TUBB2B: variants seen among roughly 807,000 people sequenced by gnomAD.
TUBB2B encodes the protein tubulin beta 2B class IIb.
A neutral mutation model predicts 35.0 loss-of-function variants in TUBB2B; 5 were observed. The ratio of observed to expected loss-of-function variants is 0.14; its 90% CI spans 0.07 to 0.30. The LOEUF (loss-of-function observed/expected upper bound fraction) is 0.30, where lower values mean the gene tolerates loss of function less well. Among genes scored for constraint, TUBB2B ranks in the 10% least tolerant of loss-of-function variants. The pLI is 1.00. For missense variants in TUBB2B, 63 were observed against 601.8 expected (o/e 0.10, Z 9.37); for synonymous variants, 166 against 250.5 (o/e 0.66, Z 3.18).
Position 3,226,046 on chromosome 6 carries a change from T to C in TUBB2B, c.277+113A>G, listed in dbSNP as rs529331187. 2.9e-5 allele frequency: 39 copies of C among 1,350,166 alleles called. No individual in the cohort carries two copies. The South Asian group carries it at 4.7e-4, about 16-fold the overall frequency. The allele number at this position is 1,350,166 out of a possible 1,614,324, so 83.6% of individuals were successfully genotyped here. ...AATTTTACACTATATTAAAGCTAAG[T>C]TGGCACACCGCGGATGTTCTTCATG... On this transcript the variant is annotated intron_variant, in intron 3 of 3. Transcript: ENST00000259818. The surrounding 1 kb of genome is among the most constrained non-coding windows in gnomAD (Gnocchi z 5.5).
rs1260559863 is a variant in TUBB2B at position 3,225,336 on chromosome 6, G to T, written c.753C>A (p.Arg251=). 1 of 1,588,830 alleles carries T rather than the reference G, an allele frequency of 6.3e-7. No individual in the cohort carries two copies. Among genetic ancestry groups the T allele is most frequent in the South Asian group, 1.1e-5 (1 of 89,590 alleles). ...RFPGQLNADL[R]KLAVNMVPFP... ...AGGGCACCATGTTCACCGCCAGCTT[G>T]CGCAGGTCTGCGTTCAGCTGGCCCG... is the stretch of plus-strand genomic sequence containing the variant. The change falls in exon 4 of 4, where the codon CGC becomes CGA. Residue 251 remains arginine, a synonymous_variant. Coordinates refer to ENST00000259818, the MANE Select transcript of TUBB2B (RefSeq NM_178012.5).
Position 3,227,343 on chromosome 6 carries a change from G to T in TUBB2B, c.57+144C>A. ...TCCGCGAAAGTCACCTCCTAGCCCA[G>T]GCCACACTCGGCGGCACAAAGCGGC... On this transcript the variant is annotated intron_variant, in intron 1 of 3. Coordinates refer to ENST00000259818, the MANE Select transcript of TUBB2B (RefSeq NM_178012.5). The surrounding 1 kb of genome is among the most constrained non-coding windows in gnomAD (Gnocchi z 7.8). 9.1e-7 allele frequency: 1 copy of T among 1,095,328 alleles called. No homozygotes were observed. The highest frequency in any genetic ancestry group is 1.3e-6 in the Non-Finnish European group (1 of 766,882). 67.9% of individuals were successfully genotyped at this position (1,095,328 alleles called of 1,614,324 possible).
rs767825383 is a variant in TUBB2B at position 3,227,590 on chromosome 6, C to T, written c.-47G>A. 5 of 1,606,298 alleles carry T rather than the reference C, an allele frequency of 3.1e-6. No homozygotes were observed. Among genetic ancestry groups the T allele is most frequent in the Non-Finnish European group, 4.2e-6 (5 of 1,178,042 alleles). On this transcript the variant is annotated 5_prime_UTR_variant, in exon 1 of 4. Transcript: ENST00000259818. The surrounding 1 kb of genome is among the most constrained non-coding windows in gnomAD (Gnocchi z 7.8). ...TGGTCCGGCGGCGTCTGGGTCTGTC[C>T]GTCCTCCCCTCACACACCCACTGCG...
Position 3,224,531 on chromosome 6 carries a change from C to T in TUBB2B, c.*220G>A, listed in dbSNP as rs939500771. 35 of 687,796 alleles carry T rather than the reference C, an allele frequency of 5.1e-5. No homozygotes were observed. Among genetic ancestry groups the T allele is most frequent in the Non-Finnish European group, 7.9e-5 (33 of 418,388 alleles). 42.6% of individuals were successfully genotyped at this position (687,796 alleles called of 1,614,324 possible). The stretch of plus-strand genomic sequence containing the variant: ...AACGTTTATGTGATTTTAGCCATTA[C>T]AACAGTAATTCAGAAATATCTCAAA... On this transcript the variant is annotated 3_prime_UTR_variant, in exon 4 of 4. Transcript: ENST00000259818.
In TUBB2B at chr6:3,226,498, C is replaced by A; in HGVS notation, c.166+63G>T. On this transcript the variant is annotated intron_variant, in intron 2 of 3. Transcript: ENST00000259818. The surrounding 1 kb of genome is among the most constrained non-coding windows in gnomAD (Gnocchi z 5.5). ...CCAGGGCCACACCCCTGGGGTCCCA[C>A]GCAAGGGAAAGGGGAGAAGGTGGAA... The A allele has an allele frequency of 3.4e-6, 5 of 1,479,250 alleles. No individual in the cohort carries two copies. The highest frequency in any genetic ancestry group is 4.7e-6 in the Non-Finnish European group (5 of 1,057,438). 91.6% of individuals were successfully genotyped at this position (1,479,250 alleles called of 1,614,324 possible). A position where few individuals can be genotyped will look rare whatever the true frequency, so the allele number is the denominator to read the frequency against.
Position 3,224,569 on chromosome 6 carries a change from G to T in TUBB2B, c.*182C>A. 1.3e-6 allele frequency: 1 copy of T among 796,968 alleles called. No homozygotes were observed. Among genetic ancestry groups the T allele is most frequent in the Non-Finnish European group, 1.9e-6 (1 of 531,896 alleles). 49.4% of individuals were successfully genotyped at this position (796,968 alleles called of 1,614,324 possible). A position where few individuals can be genotyped will look rare whatever the true frequency, so the allele number is the denominator to read the frequency against. ...GAAATATCTCAAATGTTACATTGATGTCATCAATATTACAAAAAAGGAAAA... is the reference window on the plus strand; with the variant it reads ...GAAATATCTCAAATGTTACATTGATTTCATCAATATTACAAAAAAGGAAAA... On this transcript the variant is annotated 3_prime_UTR_variant, in exon 4 of 4. Transcript: ENST00000259818.
In TUBB2B at chr6:3,227,455, C is replaced by T. The variant is rs776330382; in HGVS notation, c.57+32G>A. 7 of 1,603,246 alleles carry T rather than the reference C, an allele frequency of 4.4e-6. No individual in the cohort carries two copies. In the African/African-American group the frequency reaches 5.3e-5, roughly 12 times the overall value. On this transcript the variant is annotated intron_variant, in intron 1 of 3. Transcript: ENST00000259818. The surrounding 1 kb of genome is among the most constrained non-coding windows in gnomAD (Gnocchi z 7.8). ...GGGCTCTCGGCCCAGGTTCGCGCCC[C>T]CATTGGACCCCCTCCGCTGCGGCGC...
Position 3,227,471 on chromosome 6 carries a change from G to C in TUBB2B, c.57+16C>G, listed in dbSNP as rs755315321. ...TTCGCGCCCCCATTGGACCCCCTCCGCTGCGGCGCGCCCACCTTGGCGCCG... is the reference window on the plus strand; with the variant it reads ...TTCGCGCCCCCATTGGACCCCCTCCCCTGCGGCGCGCCCACCTTGGCGCCG... On this transcript the variant is annotated intron_variant, in intron 1 of 3. Coordinates refer to ENST00000259818, the MANE Select transcript of TUBB2B (RefSeq NM_178012.5). This position sits in a 1 kb window ranked among gnomAD's most constrained non-coding sequence, Gnocchi z 7.8. 27 of 1,605,922 alleles carry C rather than the reference G, an allele frequency of 1.7e-5. No homozygotes were observed. Among genetic ancestry groups the C allele is most frequent in the Non-Finnish European group, 2.3e-5 (27 of 1,179,594 alleles).
In TUBB2B at chr6:3,227,291, C is replaced by G. The variant is rs1384017327; in HGVS notation, c.57+196G>C. Among the ~76,000 whole-genome samples, 1 of 152,120 alleles carries G rather than the reference C, an allele frequency of 6.6e-6. No homozygotes were observed. The highest frequency in any genetic ancestry group is 1.5e-5 in the Non-Finnish European group (1 of 68,014). On this transcript the variant is annotated intron_variant, in intron 1 of 3. Transcript: ENST00000259818. The surrounding 1 kb of genome is among the most constrained non-coding windows in gnomAD (Gnocchi z 7.8). The stretch of plus-strand genomic sequence containing the variant: ...GACGGGGACTCCAAATGAGTTACAG[C>G]AGAAAGAAAGAGAGGTGCCCCCTCC...
Position 3,226,036 on chromosome 6 carries a change from T to G in TUBB2B, c.277+123A>C. The G allele has an allele frequency of 3.8e-6, 5 of 1,328,930 alleles. No homozygotes were observed. Among genetic ancestry groups the G allele is most frequent in the African/African-American group, 1.4e-5 (1 of 69,312 alleles). The allele number at this position is 1,328,930 out of a possible 1,614,324, so 82.3% of individuals were successfully genotyped here. On this transcript the variant is annotated intron_variant, in intron 3 of 3. Coordinates refer to ENST00000259818, the MANE Select transcript of TUBB2B (RefSeq NM_178012.5). The surrounding 1 kb of genome is among the most constrained non-coding windows in gnomAD (Gnocchi z 5.5). Reference sequence around the variant, plus strand: ...AAAGGCAAACAATTTTACACTATATTAAAGCTAAGTTGGCACACCGCGGAT... The same window carrying G: ...AAAGGCAAACAATTTTACACTATATGAAAGCTAAGTTGGCACACCGCGGAT...
Position 3,226,155 on chromosome 6 carries a change from T to C in TUBB2B, c.277+4A>G. 2 of 1,613,024 alleles carry C rather than the reference T, an allele frequency of 1.2e-6. No individual in the cohort carries two copies. Among genetic ancestry groups the C allele is most frequent in the Non-Finnish European group, 1.7e-6 (2 of 1,179,252 alleles). ...TCATGCTCTCAGCCACACCAGGCAC[T>C]CACCAAACACGAAATTGTCTGGTCT... On this transcript the variant is annotated splice_donor_region_variant and intron_variant, in intron 3 of 3. Coordinates refer to ENST00000259818, the MANE Select transcript of TUBB2B (RefSeq NM_178012.5). This position sits in a 1 kb window ranked among gnomAD's most constrained non-coding sequence, Gnocchi z 5.5.
Position 3,224,566 on chromosome 6 carries a change from G to T in TUBB2B, c.*185C>A. ...TCAGAAATATCTCAAATGTTACATT[G>T]ATGTCATCAATATTACAAAAAAGGA... On this transcript the variant is annotated 3_prime_UTR_variant, in exon 4 of 4. Coordinates refer to ENST00000259818, the MANE Select transcript of TUBB2B (RefSeq NM_178012.5). The T allele has an allele frequency of 2.5e-6, 2 of 790,406 alleles. No homozygotes were observed. Among genetic ancestry groups the T allele is most frequent in the Non-Finnish European group, 3.9e-6 (2 of 519,224 alleles). The allele number at this position is 790,406 out of a possible 1,614,324, so 49.0% of individuals were successfully genotyped here.
rs1757284310 is a variant in TUBB2B, at chr6:3,226,087, TCA to T, written c.277+70_277+71del. On this transcript the variant is annotated intron_variant, in intron 3 of 3. Coordinates refer to ENST00000259818, the MANE Select transcript of TUBB2B (RefSeq NM_178012.5). The surrounding 1 kb of genome is among the most constrained non-coding windows in gnomAD (Gnocchi z 5.5). The stretch of plus-strand genomic sequence containing the variant: ...GTTCTTCATGCTTTCCCTCTGGCAA[TCA>T]CACCTCTTCAGCCTCCACTGCCCAG... 5 of 1,448,712 alleles carry T rather than the reference TCA, an allele frequency of 3.5e-6. No individual in the cohort carries two copies. In the Admixed American group the frequency reaches 8.4e-5, roughly 24 times the overall value. 89.7% of individuals were successfully genotyped at this position (1,448,712 alleles called of 1,614,324 possible).
At position 3,224,853 on chromosome 6, in the gene TUBB2B, C is replaced by T; in HGVS notation, c.1236G>A (p.Glu412=). ...CGGACACCAGGTCGTTCATGTTGCT[C>T]TCGGCCTCGGTGAACTCCATCTCGT... is the stretch of plus-strand genomic sequence containing the variant. ...GMDEMEFTEA[E]SNMNDLVSEY... Residue 412 remains glutamate (E), a synonymous_variant, in exon 4 of 4, where the codon GAG becomes GAA. Transcript: ENST00000259818. 6.2e-7 allele frequency: 1 copy of T among 1,610,348 alleles called. No individual in the cohort carries two copies. Among genetic ancestry groups the T allele is most frequent in the Non-Finnish European group, 8.5e-7 (1 of 1,179,270 alleles).
In TUBB2B at chr6:3,226,414, G is replaced by T; in HGVS notation, c.167-145C>A. The T allele has an allele frequency of 9.6e-7, 1 of 1,037,504 alleles. No individual in the cohort carries two copies. Among genetic ancestry groups the T allele is most frequent in the Non-Finnish European group, 1.5e-6 (1 of 669,198 alleles). 64.3% of individuals were successfully genotyped at this position (1,037,504 alleles called of 1,614,324 possible). On this transcript the variant is annotated intron_variant, in intron 2 of 3. Transcript: ENST00000259818. The surrounding 1 kb of genome is among the most constrained non-coding windows in gnomAD (Gnocchi z 5.5). Reference sequence around the variant, plus strand: ...CAAAGGGCTCTGTTGGCATAAGGAAGCCCAATGAAATACTGCAGGGAAAGA... The same window carrying T: ...CAAAGGGCTCTGTTGGCATAAGGAATCCCAATGAAATACTGCAGGGAAAGA...
In TUBB2B at chr6:3,227,147, T is replaced by C. The variant is rs1757298211; in HGVS notation, c.57+340A>G. ...CTCCGGTTCAAGCGAGTACAATTAA[T>C]CCTCCTGGTGTCCCAGCCCCTCGCG... On this transcript the variant is annotated intron_variant, in intron 1 of 3. Coordinates refer to ENST00000259818, the MANE Select transcript of TUBB2B (RefSeq NM_178012.5). The surrounding 1 kb of genome is among the most constrained non-coding windows in gnomAD (Gnocchi z 7.8). Among the ~76,000 whole-genome samples, 1 of 152,080 alleles carries C rather than the reference T, an allele frequency of 6.6e-6. No homozygotes were observed. Among genetic ancestry groups the C allele is most frequent in the South Asian group, 2.1e-4 (1 of 4,826 alleles).
In TUBB2B at chr6:3,224,540, T is replaced by C. The variant is rs907328770; in HGVS notation, c.*211A>G. The stretch of plus-strand genomic sequence containing the variant: ...GTGATTTTAGCCATTACAACAGTAA[T>C]TCAGAAATATCTCAAATGTTACATT... On this transcript the variant is annotated 3_prime_UTR_variant, in exon 4 of 4. Coordinates refer to ENST00000259818, the MANE Select transcript of TUBB2B (RefSeq NM_178012.5). The C allele has an allele frequency of 3.1e-5, 22 of 719,072 alleles. No individual in the cohort carries two copies. The highest frequency in any genetic ancestry group is 5.8e-5 in the South Asian group (3 of 51,438). The allele number at this position is 719,072 out of a possible 1,614,324, so 44.5% of individuals were successfully genotyped here.
At position 3,225,285 on chromosome 6, in the gene TUBB2B, G is replaced by C. The variant is rs1297635697; in HGVS notation, c.804C>G (p.Pro268=). 2 of 1,529,356 alleles carry C rather than the reference G, an allele frequency of 1.3e-6. No individual in the cohort carries two copies. The highest frequency in any genetic ancestry group is 2.3e-5 in the South Asian group (2 of 86,160). The allele number at this position is 1,529,356 out of a possible 1,614,324, so 94.7% of individuals were successfully genotyped here. Residue 268 remains proline, a synonymous_variant, in exon 4 of 4, where the codon CCC becomes CCG. Coordinates refer to ENST00000259818, the MANE Select transcript of TUBB2B (RefSeq NM_178012.5). ...VPFPRLHFFM[P]GFAPLTSRGS... ...CCCGGCTGGTCAGGGGCGCGAAGCCGGGCATGAAGAAGTGCAGGCGAGGGA... is the reference window on the plus strand; with the variant it reads ...CCCGGCTGGTCAGGGGCGCGAAGCCCGGCATGAAGAAGTGCAGGCGAGGGA...
Position 3,224,733 on chromosome 6 carries a change from C to T in TUBB2B, c.*18G>A. The T allele has an allele frequency of 1.2e-6, 2 of 1,613,822 alleles. No homozygotes were observed. The highest frequency in any genetic ancestry group is 1.7e-6 in the Non-Finnish European group (2 of 1,179,848). On this transcript the variant is annotated 3_prime_UTR_variant, in exon 4 of 4. Transcript: ENST00000259818. ...CGCTTTCCTCCTCCGCTTTCCCTAA[C>T]CCGTCTCGCGGGGGCATCTACGCCT...
Sources: gnomAD v4.1 joint callset for allele counts (sites outside exome capture counted in the v4.1 genomes callset) on GRCh38, gnomAD v4.1.1 for gene constraint, Gnocchi (gnomAD v3.1) non-coding constraint, MANE v1.5 for transcripts, NCBI Gene and HGNC (gene_info 2026-07-23, HGNC 2026-07-21) for gene names.